Variants in UBE2Q2 observed in about 807,000 individuals in gnomAD.
UBE2Q2 encodes the protein ubiquitin-conjugating enzyme E2 Q2.
A neutral mutation model predicts 59.9 loss-of-function variants in UBE2Q2; 54 were observed. That is an observed-to-expected ratio of 0.90 (90% CI 0.72 to 1.13). The LOEUF is 1.13. UBE2Q2 is among the 50% of genes most tolerant of loss of function. The pLI is 0.00. For synonymous variants in UBE2Q2, 165 were observed against 155.2 expected, an observed-to-expected ratio of 1.06 and a Z score of -0.47; for missense variants, 433 against 441.9, an observed-to-expected ratio of 0.98 and a Z score of 0.18.
At chr15:75,846,726 A>G (rs909590629) in intron 1 of UBE2Q2, among the ~76,000 whole-genome samples, 1 of 152,216 alleles carries the variant, frequency 6.6e-6, no homozygotes, top group Non-Finnish European at 1.5e-5. Context: ...TCCTCTTTAG[A>G]CAGTTCAAAT....
intron 1 of UBE2Q2, among the ~76,000 whole-genome samples, chr15:75,845,239 A>G (rs929194531): frequency 6.6e-6 from 1 of 152,212 alleles, no homozygotes; most frequent in Non-Finnish European, 1.5e-5. Flanking sequence ...ACAGGTGACT[A>G]CAATTTTGGA....
chr15:75,898,201 TTCTTA>T (rs1169505643), intron 12 of UBE2Q2, among the ~76,000 whole-genome samples: 14 of 152,200 alleles, frequency 9.2e-5, no homozygotes, highest in African/African-American at 3.4e-4. Flanking sequence ...CACAGATTTC[TTCTTA>T]TCTTTGTTTT....
chr15:75,855,480 T>A (rs1414492411), intron 2 of UBE2Q2, among the ~76,000 whole-genome samples: 1 of 148,072 alleles, frequency 6.8e-6, no homozygotes, highest in East Asian at 2.0e-4. Context: ...AACAGAGTGA[T>A]ACTCCATCTC....
At chr15:75,896,803 G>A (rs1258006545) in intron 11 of UBE2Q2, among the ~76,000 whole-genome samples, 192 bp from the exon 12 acceptor site, 2 of 152,148 alleles carry the variant, frequency 1.3e-5, no homozygotes, top group African/African-American at 4.8e-5. Flanking sequence ...TACAATTTTG[G>A]TTTTGTTATT....
intron 6 of UBE2Q2, among the ~76,000 whole-genome samples, chr15:75,877,349 G>C (rs1013032691): frequency 6.6e-6 from 1 of 151,906 alleles, no homozygotes; most frequent in African/African-American, 2.4e-5. Flanking sequence ...TAGAATTGTG[G>C]GTGTCCTTAC....
chr15:75,869,612 G>A (rs532611810), intron 4 of UBE2Q2, among the ~76,000 whole-genome samples: 1 of 152,328 alleles, frequency 6.6e-6, no homozygotes, highest in African/African-American at 2.4e-5. Context: ...AGAAGGGCAG[G>A]AGAGCAAGCT....
intron 10 of UBE2Q2, among the ~76,000 whole-genome samples, 168 bp from the exon 11 acceptor site, chr15:75,890,751 G>GT (rs1025560837): frequency 3.5e-4 from 52 of 150,458 alleles, no homozygotes; most frequent in East Asian, 7.8e-4. Context: ...TTGGTTTGTT[G>GT]TTTTTTTTTG....
At chr15:75,870,404 A>C (rs1216416550) in intron 4 of UBE2Q2, among the ~76,000 whole-genome samples, 1 of 152,178 alleles carries the variant, frequency 6.6e-6, no homozygotes, top group South Asian at 2.1e-4. Flanking sequence ...TGGGAGTAAA[A>C]TACTCTTAAA....
chr15:75,865,791 A>G (rs1327653566), intron 3 of UBE2Q2, among the ~76,000 whole-genome samples: 1 of 150,102 alleles, frequency 6.7e-6, no homozygotes, highest in African/African-American at 2.4e-5. Context: ...ATATCCCTGA[A>G]TAATATCTGG....
chr15:75,844,389 A>T, intron 1 of UBE2Q2: 1 of 1,551,464 alleles, frequency 6.4e-7, no homozygotes, highest in Admixed American at 2.0e-5. Context: ...AAAAGTTGGA[A>T]TGCAGACTCT....
chr15:75,855,235 A>C (rs1347689777), intron 2 of UBE2Q2, among the ~76,000 whole-genome samples: 1 of 152,182 alleles, frequency 6.6e-6, no homozygotes, highest in Non-Finnish European at 1.5e-5. Flanking sequence ...TCACGCCTGT[A>C]ATCTCAGCAC....
At chr15:75,880,178 T>TTTTGGCTCACTGCAACC (rs1167680684) in intron 8 of UBE2Q2, among the ~76,000 whole-genome samples, 1 of 149,298 alleles carries the variant, frequency 6.7e-6, no homozygotes, top group Non-Finnish European at 1.5e-5. Flanking sequence ...AGTGGCACAG[T>TTTTGGCTCACTGCAACC]TTTGGCTCAC....
chr15:75,866,073 C>A (rs1897460035), intron 3 of UBE2Q2, among the ~76,000 whole-genome samples: 1 of 152,060 alleles, frequency 6.6e-6, no homozygotes, highest in Non-Finnish European at 1.5e-5. Context: ...AAGTCTGATG[C>A]CTATCTCATT....
At chr15:75,889,886 A>G (rs1033374301) in intron 9 of UBE2Q2, among the ~76,000 whole-genome samples, 1 of 152,248 alleles carries the variant, frequency 6.6e-6, no homozygotes, top group Admixed American at 6.5e-5. Flanking sequence ...TTGTTCAGAG[A>G]ATAGTCTTCA....
intron 5 of UBE2Q2, among the ~76,000 whole-genome samples, chr15:75,875,843 C>T (rs1481058874): frequency 6.6e-6 from 1 of 151,592 alleles, no homozygotes. Context: ...AGGCAGACCA[C>T]GAGGTCAAGA....
At position 75,900,486 on chromosome 15, in the gene UBE2Q2, G is replaced by C. The variant is rs867585009; in HGVS notation, c.*1028G>C. On this transcript the variant is annotated 3_prime_UTR_variant, in exon 13 of 13. Coordinates refer to ENST00000267938, the MANE Select transcript of UBE2Q2 (RefSeq NM_173469.4). ...TACTCTCCATTTTATTGCCTTACCTGAATCAGTCCTTTTTGGTTGGTAATA... is the reference window on the plus strand; with the variant it reads ...TACTCTCCATTTTATTGCCTTACCTCAATCAGTCCTTTTTGGTTGGTAATA... 1 of 152,588 alleles carries C rather than the reference G, an allele frequency of 6.6e-6. No homozygotes were observed. Among genetic ancestry groups the C allele is most frequent in the South Asian group, 2.1e-4 (1 of 4,828 alleles). The allele number at this position is 152,588 out of a possible 1,614,324, so 9.5% of individuals were successfully genotyped here.
chr15:75,881,388 AGG>A (rs1898420224), intron 8 of UBE2Q2, among the ~76,000 whole-genome samples: 1 of 152,070 alleles, frequency 6.6e-6, no homozygotes, highest in African/African-American at 2.4e-5. Flanking sequence ...TTCCTGCTCT[AGG>A]TAGAACTTCA....
chr15:75,844,016 G>C, intron 1 of UBE2Q2, 170 bp downstream of exon 1: 1 of 1,409,494 alleles, frequency 7.1e-7, no homozygotes, highest in Non-Finnish European at 9.2e-7. Flanking sequence ...GGGACTGCGC[G>C]AGGCTTGGGT....
chr15:75,849,590 TTG>T (rs1350013193), intron 1 of UBE2Q2, among the ~76,000 whole-genome samples: 1 of 152,208 alleles, frequency 6.6e-6, no homozygotes, highest in Non-Finnish European at 1.5e-5. Context: ...TAATCTTGAG[TTG>T]TGTTTCCCTC....
Sources: allele counts gnomAD v4.1 joint callset (sites outside exome capture counted in the v4.1 genomes callset), GRCh38; gene constraint gnomAD v4.1.1; transcripts MANE v1.5; gene names NCBI Gene and HGNC (gene_info 2026-07-23, HGNC 2026-07-21).